RIT2: variants seen among roughly 807,000 people sequenced by gnomAD.
RIT2 encodes the protein Ras like without CAAX 2, also known as GTP-binding protein Rit2.
Under a neutral mutation model 23.7 loss-of-function variants are expected in RIT2, and 24 were observed. That is an observed-to-expected ratio of 1.01 (90% CI 0.73 to 1.43). The LOEUF (loss-of-function observed/expected upper bound fraction) is 1.43, where lower values mean the gene tolerates loss of function less well. Ranked by LOEUF, RIT2 falls within the 40% of genes most tolerant of loss-of-function variation. The pLI, the probability that RIT2 is intolerant of heterozygous loss-of-function variation, is 0.00. For missense variants in RIT2, 236 were observed against 266.9 expected (o/e 0.88, Z 0.81); for synonymous variants, 107 against 91.1 (o/e 1.17, Z -0.99).
At chr18:42,933,961 T>C (rs1173349651) in intron 3 of RIT2, among the ~76,000 whole-genome samples, 1 of 140,356 alleles carries the variant, frequency 7.1e-6, no homozygotes, top group Admixed American at 7.8e-5. Context: ...AAGGTTGCAG[T>C]GAGCCGAGAT....
At chr18:42,799,139 A>G (rs1317119400) in intron 4 of RIT2, among the ~76,000 whole-genome samples, 1 of 152,224 alleles carries the variant, frequency 6.6e-6, no homozygotes, top group Non-Finnish European at 1.5e-5. Context: ...CAGAGATAGA[A>G]AATAGAAAAG....
intron 2 of RIT2, among the ~76,000 whole-genome samples, chr18:42,985,930 A>G (rs1340943720): frequency 6.6e-6 from 1 of 152,058 alleles, no homozygotes; most frequent in African/African-American, 2.4e-5. Flanking sequence ...AACAAAAAAC[A>G]TTGTTCATCG....
At chr18:42,872,158 G>A (rs1297229246) in intron 4 of RIT2, among the ~76,000 whole-genome samples, 2 of 152,088 alleles carry the variant, frequency 1.3e-5, no homozygotes, top group African/African-American at 4.8e-5. Flanking sequence ...TTCTTTTAGT[G>A]TAACACTTTA....
chr18:42,906,125 A>G (rs1408432589), intron 4 of RIT2, among the ~76,000 whole-genome samples: 1 of 151,032 alleles, frequency 6.6e-6, no homozygotes, highest in African/African-American at 2.4e-5. Flanking sequence ...TCTTTTTTCA[A>G]TATTGAATAC....
intron 4 of RIT2, among the ~76,000 whole-genome samples, chr18:42,762,129 C>A (rs1455900266): frequency 1.3e-5 from 2 of 152,100 alleles, no homozygotes; most frequent in Non-Finnish European, 2.9e-5. Flanking sequence ...GAAAATAATT[C>A]TCTGTGAATT....
intron 4 of RIT2, among the ~76,000 whole-genome samples, chr18:42,744,651 C>A (rs1185381609): frequency 6.6e-6 from 1 of 151,904 alleles, no homozygotes; most frequent in Non-Finnish European, 1.5e-5. Context: ...TAAGTGAGAT[C>A]ATCTAGAAGA....
intron 4 of RIT2, among the ~76,000 whole-genome samples, chr18:42,841,161 T>C (rs995356565): frequency 3.3e-5 from 5 of 152,242 alleles, no homozygotes; most frequent in African/African-American, 1.2e-4. Flanking sequence ...CATTAAATGC[T>C]TTTATGAAAA....
intron 1 of RIT2, among the ~76,000 whole-genome samples, chr18:43,041,842 C>G (rs991107784): frequency 3.3e-5 from 5 of 152,026 alleles, no homozygotes; most frequent in African/African-American, 7.2e-5. Context: ...TATCACCCTC[C>G]TTGGAATGTC....
intron 4 of RIT2, among the ~76,000 whole-genome samples, chr18:42,829,179 T>C (rs73951765): frequency 0.017 from 2,654 of 152,234 alleles, 100 homozygotes; most frequent in African/African-American, 0.06. Context: ...TTTTGTCTTA[T>C]GATTCATGAG....
rs1229091188 is a variant in RIT2 at position 42,842,357 on chromosome 18, T to C, written c.426+81215A>G. Among the ~76,000 whole-genome samples, 5 of 152,208 alleles carry C rather than the reference T, an allele frequency of 3.3e-5. No homozygotes were observed. The East Asian group carries it at 9.6e-4, about 29-fold the overall frequency. ...GTCTGTCATTTTTTAACAAAATGTATAAATTACCTGGTCAGAAATAGATGG... is the reference window on the plus strand; with the variant it reads ...GTCTGTCATTTTTTAACAAAATGTACAAATTACCTGGTCAGAAATAGATGG... On this transcript the variant is annotated intron_variant, in intron 4 of 4. Coordinates refer to ENST00000326695, the MANE Select transcript of RIT2 (RefSeq NM_002930.4).
chr18:42,765,612 G>A (rs1247878974), intron 4 of RIT2, among the ~76,000 whole-genome samples: 2 of 152,208 alleles, frequency 1.3e-5, no homozygotes, highest in Non-Finnish European at 2.9e-5. Flanking sequence ...CAGAGAGGCT[G>A]AAAGAACAAA....
At chr18:43,007,855 G>A (rs1016359145) in intron 2 of RIT2, among the ~76,000 whole-genome samples, 5 of 151,656 alleles carry the variant, frequency 3.3e-5, no homozygotes, top group Admixed American at 3.3e-4. Flanking sequence ...AACAAGGAGT[G>A]ATCAAATAGC....
chr18:42,873,040 A>C (rs564497422), intron 4 of RIT2, among the ~76,000 whole-genome samples: 2 of 152,282 alleles, frequency 1.3e-5, no homozygotes, highest in Admixed American at 1.3e-4. Context: ...TGTCATTAGA[A>C]TGATGGAAGA....
At chr18:42,912,703 A>G (rs114362642) in intron 4 of RIT2, among the ~76,000 whole-genome samples, 206 of 152,112 alleles carry the variant, frequency 1.4e-3, no homozygotes, top group African/African-American at 4.7e-3. Context: ...AGAAAATTAC[A>G]TAGGTATGAA....
intron 1 of RIT2, among the ~76,000 whole-genome samples, chr18:43,064,150 A>C (rs1209908774): frequency 6.6e-6 from 1 of 152,216 alleles, no homozygotes; most frequent in African/African-American, 2.4e-5. Flanking sequence ...AAATTTCAGA[A>C]CAGAAATAAG....
At chr18:43,023,661 T>G (rs1722049057) in intron 2 of RIT2, among the ~76,000 whole-genome samples, 2 of 152,112 alleles carry the variant, frequency 1.3e-5, no homozygotes, top group African/African-American at 4.8e-5. Context: ...CTCAACAATT[T>G]ATTGATTCTC....
At chr18:42,925,901 C>T (rs1223261711) in intron 3 of RIT2, among the ~76,000 whole-genome samples, 2 of 151,538 alleles carry the variant, frequency 1.3e-5, no homozygotes, top group Admixed American at 1.3e-4. Flanking sequence ...ATAAATATTG[C>T]TTATTCTTTT....
rs117226934 is a variant in RIT2, at chr18:42,818,218, A to T, written c.427-74498T>A. 4.9e-4 allele frequency among the ~76,000 whole-genome samples: 75 copies of T among 152,226 alleles called. No homozygotes were observed. In the East Asian group the frequency reaches 0.013, roughly 27 times the overall value. On this transcript the variant is annotated intron_variant, in intron 4 of 4. Coordinates refer to ENST00000326695, the MANE Select transcript of RIT2 (RefSeq NM_002930.4). ...AAATATTCCACCAGAAAAAATGGTCATGCATTATCTGATACACACAGTTAA... is the reference window on the plus strand; with the variant it reads ...AAATATTCCACCAGAAAAAATGGTCTTGCATTATCTGATACACACAGTTAA...
At chr18:42,889,572 G>T (rs567604253) in intron 4 of RIT2, among the ~76,000 whole-genome samples, 2 of 152,164 alleles carry the variant, frequency 1.3e-5, no homozygotes, top group South Asian at 4.1e-4. Context: ...TCTAACTGAA[G>T]AAAGAAGCCA....
Sources: allele counts gnomAD v4.1 joint callset (sites outside exome capture counted in the v4.1 genomes callset), GRCh38; gene constraint gnomAD v4.1.1; transcripts MANE v1.5; gene names NCBI Gene and HGNC (gene_info 2026-07-23, HGNC 2026-07-21).